The following MTHFD1L variants were observed in gnomAD, a reference collection of about 807,000 sequenced individuals.
MTHFD1L encodes the protein monofunctional C1-tetrahydrofolate synthase, mitochondrial.
In MTHFD1L, 81 loss-of-function variants were observed where a neutral mutation model predicts 119.5. The observed-to-expected ratio is 0.68, with a 90% CI of 0.57 to 0.82. The LOEUF is 0.82. MTHFD1L is among the 40% of genes least tolerant of loss of function. MTHFD1L has a pLI of 0.00. For synonymous variants in MTHFD1L, 430 were observed against 475.2 expected (o/e 0.90, Z 1.24); for missense variants, 1,125 against 1,253.4 (o/e 0.90, Z 1.55).
chr6:151,005,544 G>T (rs1235387682), intron 20 of MTHFD1L, among the ~76,000 whole-genome samples: 1 of 152,104 alleles, frequency 6.6e-6, no homozygotes, highest in Non-Finnish European at 1.5e-5. Context: ...CCTAGCTAGA[G>T]TTCTCTTTAT....
chr6:150,897,540 G>C (rs1293849681), intron 7 of MTHFD1L, among the ~76,000 whole-genome samples: 1 of 152,214 alleles, frequency 6.6e-6, no homozygotes, highest in African/African-American at 2.4e-5. Context: ...CTTCTTAGCT[G>C]TGGGGTAAGT....
At chr6:151,057,225 A>G (rs1272113521) in intron 26 of MTHFD1L, 1 of 984,842 alleles carries the variant, frequency 1.0e-6, no homozygotes, top group East Asian at 1.1e-4. Context: ...CTAATTTTTA[A>G]ATTTCATTCT....
At chr6:151,088,259 T>C (rs1331509122) in intron 26 of MTHFD1L, 1 of 152,218 alleles carries the variant, frequency 6.6e-6, no homozygotes, top group Non-Finnish European at 1.5e-5. Flanking sequence ...GTCTGCAGAT[T>C]CTTTGTGGTT....
At chr6:150,972,853 AC>A (rs370098448) in intron 20 of MTHFD1L, among the ~76,000 whole-genome samples, 4,147 of 152,282 alleles carry the variant, frequency 0.027, 198 homozygotes, top group Admixed American at 0.14. Context: ...GTAGTACTGC[AC>A]ACCTTTTGCT....
intron 5 of MTHFD1L, among the ~76,000 whole-genome samples, chr6:150,883,463 C>T (rs1781698729): frequency 6.6e-6 from 1 of 152,188 alleles, no homozygotes; most frequent in Non-Finnish European, 1.5e-5. Flanking sequence ...CTGACTTATA[C>T]AATCTTTAGC....
chr6:150,962,458 G>A (rs1007416729), intron 18 of MTHFD1L, among the ~76,000 whole-genome samples: 1 of 151,964 alleles, frequency 6.6e-6, no homozygotes, highest in African/African-American at 2.4e-5. Context: ...TTATTAAATT[G>A]TGCTTCATCC....
chr6:150,899,399 T>G (rs1015158117), intron 7 of MTHFD1L, among the ~76,000 whole-genome samples: 2 of 152,136 alleles, frequency 1.3e-5, no homozygotes, highest in Non-Finnish European at 2.9e-5. Context: ...GGAAAAAAAT[T>G]CTCCCAGGAT....
At chr6:150,912,673 T>C (rs1404028605) in intron 8 of MTHFD1L, 1 of 508,828 alleles carries the variant, frequency 2.0e-6, no homozygotes, top group African/African-American at 1.9e-5. Context: ...TGCAGAAAGT[T>C]TGATTATCAT....
chr6:150,997,812 C>T (rs992405100), intron 20 of MTHFD1L, among the ~76,000 whole-genome samples: 4 of 152,122 alleles, frequency 2.6e-5, no homozygotes, highest in Admixed American at 1.3e-4. Context: ...ACTAATAACA[C>T]CAGCAATATT....
intron 13 of MTHFD1L, among the ~76,000 whole-genome samples, chr6:150,942,103 A>G (rs1478356950): frequency 1.3e-5 from 2 of 152,090 alleles, no homozygotes; most frequent in Admixed American, 6.5e-5. Context: ...TACTAAAAAT[A>G]CAAAAAGTAG....
chr6:150,875,950 A>C (rs768166432), intron 1 of MTHFD1L, 140 bp from the exon 2 acceptor site: 54 of 667,232 alleles, frequency 8.1e-5, no homozygotes, highest in Non-Finnish European at 1.4e-4. Flanking sequence ...TACCCCCTCC[A>C]CAGTGTACAC....
chr6:150,915,338 A>G (rs1215822614), intron 8 of MTHFD1L, among the ~76,000 whole-genome samples: 1 of 152,094 alleles, frequency 6.6e-6, no homozygotes, highest in African/African-American at 2.4e-5. Flanking sequence ...TTCTTCTTCC[A>G]GTGTGGCCCA....
chr6:150,954,556 G>T (rs1010901459), intron 16 of MTHFD1L, among the ~76,000 whole-genome samples: 5 of 152,074 alleles, frequency 3.3e-5, no homozygotes, highest in African/African-American at 1.2e-4. Flanking sequence ...AGGCATGGTG[G>T]CAGGCGCCTG....
At chr6:151,097,132 A>G (rs1794951939) in intron 27 of MTHFD1L, among the ~76,000 whole-genome samples, 1 of 152,210 alleles carries the variant, frequency 6.6e-6, no homozygotes, top group Admixed American at 6.5e-5. Context: ...CTTTGGCAAG[A>G]TTCATTCAAA....
chr6:151,037,476 G>A lies in MTHFD1L; in HGVS notation c.2847+359G>A, dbSNP rs115891834. 8.1e-3 allele frequency among the ~76,000 whole-genome samples: 1,227 copies of A among 152,198 alleles called. 13 individuals are homozygous for A. Among genetic ancestry groups the A allele is most frequent in the African/African-American group, 0.027 (1,131 of 41,500 alleles). The stretch of plus-strand genomic sequence containing the variant: ...ATAGCACCCAAAATGATGTCATCAC[G>A]GTGGGGTTGACTGCTCACACCAGAC... On this transcript the variant is annotated intron_variant, in intron 26 of 27. Coordinates refer to ENST00000367321, the MANE Select transcript of MTHFD1L (RefSeq NM_015440.5).
intron 23 of MTHFD1L, 78 bp downstream of exon 23, chr6:151,015,058 T>G (rs1014792707): frequency 2.3e-5 from 27 of 1,191,776 alleles, no homozygotes; most frequent in Non-Finnish European, 3.2e-5. Context: ...CTTGGGGTAT[T>G]TGGTCTTTCT....
intron 24 of MTHFD1L, chr6:151,022,095 A>T: frequency 2.1e-6 from 1 of 470,830 alleles, no homozygotes. Context: ...GACAGCCTGG[A>T]GCCGCAGCCA....
At chr6:151,022,129 C>T (rs958004425) in intron 24 of MTHFD1L, 13 of 465,450 alleles carry the variant, frequency 2.8e-5, no homozygotes, top group Non-Finnish European at 4.9e-5. Flanking sequence ...CTGAACTTCA[C>T]GCTCTCACTG....
chr6:151,100,278 C>T (rs1027441613), intron 27 of MTHFD1L, among the ~76,000 whole-genome samples: 2 of 152,072 alleles, frequency 1.3e-5, no homozygotes, highest in Non-Finnish European at 2.9e-5. Context: ...CCTCGTGATC[C>T]ACCCGTGAGC....
Sources: gnomAD v4.1 joint callset for allele counts (sites outside exome capture counted in the v4.1 genomes callset) on GRCh38, gnomAD v4.1.1 for gene constraint, MANE v1.5 for transcripts, NCBI Gene and HGNC (gene_info 2026-07-23, HGNC 2026-07-21) for gene names.